TAFA1: variants seen among roughly 807,000 people sequenced by gnomAD.
TAFA1 encodes chemokine-like protein TAFA-1.
TAFA1 carries 4 observed loss-of-function variants against 18.5 expected under a neutral mutation model. The observed-to-expected ratio is 0.22, with a 90% confidence interval of 0.11 to 0.49. The LOEUF (loss-of-function observed/expected upper bound fraction) is 0.49, where lower values mean the gene tolerates loss of function less well. Among genes scored for constraint, TAFA1 ranks in the 20% least tolerant of loss-of-function variants. The pLI, the probability that TAFA1 is intolerant of heterozygous loss-of-function variation, is 0.98. For missense variants in TAFA1, 147 were observed against 169.0 expected, an observed-to-expected ratio of 0.87 and a Z score of 0.72; for synonymous variants, 56 against 55.2, an observed-to-expected ratio of 1.01 and a Z score of -0.06.
At chr3:68,237,503 G>A (rs191336772) in intron 2 of TAFA1, among the ~76,000 whole-genome samples, 10 of 152,196 alleles carry the variant, frequency 6.6e-5, no homozygotes, top group South Asian at 2.1e-4. Context: ...TTAATGCTAC[G>A]CACACATCAG....
intron 2 of TAFA1, among the ~76,000 whole-genome samples, chr3:68,033,450 A>G (rs943442960): frequency 1.3e-5 from 2 of 152,192 alleles, no homozygotes; most frequent in African/African-American, 4.8e-5. Flanking sequence ...TTTTAAGGGC[A>G]TTCACAATGC....
At chr3:68,158,810 G>A (rs1367634884) in intron 2 of TAFA1, among the ~76,000 whole-genome samples, 1 of 152,114 alleles carries the variant, frequency 6.6e-6, no homozygotes, top group Non-Finnish European at 1.5e-5. Flanking sequence ...GCAAGCTACA[G>A]CATCATATAT....
chr3:68,079,227 T>C (rs6548972), intron 2 of TAFA1, among the ~76,000 whole-genome samples: 146,663 of 152,264 alleles, frequency 0.96, 70,655 homozygotes, highest in South Asian at 0.97. Flanking sequence ...GTCTTGCTAG[T>C]AGTCTATCAA....
chr3:68,060,675 C>G (rs549539486), intron 2 of TAFA1, among the ~76,000 whole-genome samples: 221 of 152,212 alleles, frequency 1.5e-3, no homozygotes, highest in Non-Finnish European at 2.6e-3. Context: ...CTCCATGTCT[C>G]TTGGGTCAGT....
intron 3 of TAFA1, among the ~76,000 whole-genome samples, chr3:68,499,748 C>T (rs1185903814): frequency 1.3e-5 from 2 of 151,586 alleles, no homozygotes; most frequent in Admixed American, 6.6e-5. Context: ...TTTCTAATAT[C>T]TCACAGGTAG....
chr3:68,084,414 T>A (rs2064945330), intron 2 of TAFA1, among the ~76,000 whole-genome samples: 1 of 152,216 alleles, frequency 6.6e-6, no homozygotes, highest in Non-Finnish European at 1.5e-5. Flanking sequence ...TTATACCTTG[T>A]GCTTGGAAGA....
chr3:68,215,863 G>A (rs1298245059), intron 2 of TAFA1, among the ~76,000 whole-genome samples: 1 of 151,998 alleles, frequency 6.6e-6, no homozygotes, highest in East Asian at 1.9e-4. Context: ...TCACACACAT[G>A]TTCATAGTGG....
At chr3:68,174,712 TG>T (rs2066102216) in intron 2 of TAFA1, among the ~76,000 whole-genome samples, 1 of 152,184 alleles carries the variant, frequency 6.6e-6, no homozygotes, top group African/African-American at 2.4e-5. Flanking sequence ...GCATGAAAGT[TG>T]GAAAATTTGT....
intron 2 of TAFA1, among the ~76,000 whole-genome samples, chr3:68,097,988 C>A (rs1301424274): frequency 2.0e-5 from 3 of 152,120 alleles, no homozygotes; most frequent in African/African-American, 7.2e-5. Context: ...CCTCCCAAGC[C>A]TCAGGTTTCT....
intron 2 of TAFA1, among the ~76,000 whole-genome samples, chr3:68,214,389 G>T (rs1319774177): frequency 2.0e-5 from 3 of 152,070 alleles, no homozygotes; most frequent in African/African-American, 7.2e-5. Flanking sequence ...TTTTAATATA[G>T]TCTTCTAAAA....
chr3:68,209,455 A>C (rs933733924), intron 2 of TAFA1, among the ~76,000 whole-genome samples: 3 of 152,084 alleles, frequency 2.0e-5, no homozygotes, highest in African/African-American at 7.2e-5. Flanking sequence ...TAACAAATGG[A>C]AAGCAACATA....
chr3:68,387,922 C>G (rs1475091852), intron 2 of TAFA1, among the ~76,000 whole-genome samples: 2 of 152,106 alleles, frequency 1.3e-5, no homozygotes, highest in African/African-American at 2.4e-5. Flanking sequence ...AGTATCTAAA[C>G]CATTTCTGAC....
intron 2 of TAFA1, among the ~76,000 whole-genome samples, chr3:68,011,916 A>T (rs1704480527): frequency 6.6e-6 from 1 of 152,236 alleles, no homozygotes; most frequent in Non-Finnish European, 1.5e-5. Context: ...AACTTATAAG[A>T]AAATTATTAC....
chr3:68,488,308 C>T (rs1471531217), intron 3 of TAFA1, among the ~76,000 whole-genome samples: 1 of 152,150 alleles, frequency 6.6e-6, no homozygotes, highest in Admixed American at 6.5e-5. Context: ...TTAGGCCAGT[C>T]TAATATTTTC....
At chr3:68,299,767 A>T (rs1014449897) in intron 2 of TAFA1, among the ~76,000 whole-genome samples, 2 of 152,050 alleles carry the variant, frequency 1.3e-5, no homozygotes, top group African/African-American at 4.8e-5. Context: ...TGTCCTGCAT[A>T]CCAGCTGTGG....
intron 2 of TAFA1, among the ~76,000 whole-genome samples, chr3:68,195,176 G>C (rs1317918434): frequency 6.6e-6 from 1 of 151,038 alleles, no homozygotes; most frequent in Non-Finnish European, 1.5e-5. Context: ...TTTGGGGTTT[G>C]CCTTGTAATA....
Position 68,334,742 on chromosome 3 carries a change from G to A in TAFA1, c.119-82538G>A, listed in dbSNP as rs576695060. On this transcript the variant is annotated intron_variant, in intron 2 of 4. Coordinates refer to ENST00000478136, the MANE Select transcript of TAFA1 (RefSeq NM_213609.4). Reference sequence around the variant, plus strand: ...GCTATATGTCTCACTCATGTTACATGTCTGAGGCAAGTCATTGAGACACAT... The same window carrying A: ...GCTATATGTCTCACTCATGTTACATATCTGAGGCAAGTCATTGAGACACAT... Among the ~76,000 whole-genome samples, 6 of 152,250 alleles carry A rather than the reference G, an allele frequency of 3.9e-5. No homozygotes were observed. The East Asian group carries it at 9.7e-4, about 25-fold the overall frequency.
chr3:68,383,132 A>C (rs947580999), intron 2 of TAFA1, among the ~76,000 whole-genome samples: 2 of 152,088 alleles, frequency 1.3e-5, no homozygotes, highest in Non-Finnish European at 2.9e-5. Context: ...TAGATATAGG[A>C]TCATGTCATC....
intron 2 of TAFA1, among the ~76,000 whole-genome samples, chr3:68,321,812 A>T (rs2068700726): frequency 6.6e-6 from 1 of 152,340 alleles, no homozygotes; most frequent in Admixed American, 6.5e-5. Flanking sequence ...ACAGGAGGAC[A>T]ATAGTCTGCC....
Sources: gnomAD v4.1 joint callset for allele counts (sites outside exome capture counted in the v4.1 genomes callset) on GRCh38, gnomAD v4.1.1 for gene constraint, MANE v1.5 for transcripts, NCBI Gene and HGNC (gene_info 2026-07-23, HGNC 2026-07-21) for gene names.